SNX29: variants seen among roughly 807,000 people sequenced by gnomAD.
SNX29 encodes the protein sorting nexin-29.
A neutral mutation model predicts 102.1 loss-of-function variants in SNX29; 78 were observed. The ratio of observed to expected loss-of-function variants is 0.76; its 90% CI spans 0.64 to 0.92. The LOEUF is 0.92. Among genes scored for constraint, SNX29 ranks in the 40% least tolerant of loss-of-function variants. The probability of loss-of-function intolerance (pLI) is 0.00; values close to 1 mark genes in which losing one functional copy is unlikely to be tolerated. For synonymous variants in SNX29, 580 were observed against 414.5 expected (o/e 1.40, Z -4.85); for missense variants, 1,280 against 1,061.7 (o/e 1.21, Z -2.86).
chr16:12,072,074 C>T (rs1244000644), intron 10 of SNX29, among the ~76,000 whole-genome samples: 1 of 152,188 alleles, frequency 6.6e-6, no homozygotes, highest in Non-Finnish European at 1.5e-5. Context: ...TGGGCTGAGA[C>T]AATGGGGTTT....
intron 15 of SNX29, among the ~76,000 whole-genome samples, chr16:12,355,258 C>A (rs994600498): frequency 3.9e-5 from 6 of 152,184 alleles, no homozygotes; most frequent in African/African-American, 1.4e-4. Context: ...CCCTTTTATT[C>A]CTCCTCAGAT....
At chr16:12,215,483 A>G (rs1023481864) in intron 14 of SNX29, among the ~76,000 whole-genome samples, 1 of 152,068 alleles carries the variant, frequency 6.6e-6, no homozygotes, top group African/African-American at 2.4e-5. Context: ...TACAGAAGTG[A>G]GTAATACTCT....
In SNX29 at chr16:12,182,586, C is replaced by T. The variant is rs79510430; in HGVS notation, c.1596-17015C>T. On this transcript the variant is annotated intron_variant, in intron 13 of 20. Transcript: ENST00000566228. ...GGTGGCAGGAGCTCCGCACCCCTGC[C>T]AACCAGTTACCTCTAGCCTGAGTTT... Among the ~76,000 whole-genome samples the T allele has an allele frequency of 5.2e-3, 799 of 152,256 alleles. 6 individuals are homozygous for T. Among genetic ancestry groups the T allele is most frequent in the African/African-American group, 0.018 (755 of 41,520 alleles).
rs74328104 is a variant in SNX29 at position 12,361,500 on chromosome 16, C to G, written c.1899+5221C>G. ...TTGATATCAGTCAAAAATTTGGCTT[C>G]CCTCTTGTATATTAGTAATTCATTT... On this transcript the variant is annotated intron_variant, in intron 16 of 20. Coordinates refer to ENST00000566228, the MANE Select transcript of SNX29 (RefSeq NM_032167.5). Among the ~76,000 whole-genome samples, 57 of 152,204 alleles carry G rather than the reference C, an allele frequency of 3.7e-4. No homozygotes were observed. The East Asian group carries it at 9.1e-3, about 24-fold the overall frequency.
At chr16:12,230,196 T>G (rs371982810) in intron 14 of SNX29, among the ~76,000 whole-genome samples, 1 of 152,220 alleles carries the variant, frequency 6.6e-6, no homozygotes, top group Non-Finnish European at 1.5e-5. Flanking sequence ...TGTCAAAGTT[T>G]GCCTGCAAAC....
At chr16:12,160,331 G>T (rs534519382) in intron 13 of SNX29, among the ~76,000 whole-genome samples, 1 of 152,206 alleles carries the variant, frequency 6.6e-6, no homozygotes, top group African/African-American at 2.4e-5. Flanking sequence ...TTAGATTCAG[G>T]ATCTTTCAGC....
intron 15 of SNX29, among the ~76,000 whole-genome samples, chr16:12,281,256 A>G (rs1158561420): frequency 1.3e-5 from 2 of 152,088 alleles, no homozygotes; most frequent in Non-Finnish European, 2.9e-5. Context: ...CACCTTAAAC[A>G]TGGTGATTCA....
chr16:12,542,448 C>T (rs1295168298), intron 20 of SNX29, among the ~76,000 whole-genome samples: 5 of 152,220 alleles, frequency 3.3e-5, no homozygotes, highest in African/African-American at 7.2e-5. Flanking sequence ...TTTGTTTCCT[C>T]AGCTTCCCAA....
At chr16:12,566,437 G>A (rs2079012592) in intron 20 of SNX29, among the ~76,000 whole-genome samples, 1 of 151,162 alleles carries the variant, frequency 6.6e-6, no homozygotes, top group Non-Finnish European at 1.5e-5. Context: ...CTCCCCCCAA[G>A]CTCTGGTCAT....
intron 15 of SNX29, among the ~76,000 whole-genome samples, chr16:12,324,397 G>T (rs534173761): frequency 2.0e-5 from 3 of 152,084 alleles, no homozygotes; most frequent in Middle Eastern, 3.4e-3. Context: ...TTCTCGCCCT[G>T]TGGAAATGCT....
chr16:12,232,334 C>T (rs377333048), intron 14 of SNX29, among the ~76,000 whole-genome samples: 42 of 152,304 alleles, frequency 2.8e-4, no homozygotes, highest in East Asian at 1.4e-3. Flanking sequence ...CATGACCAGC[C>T]TGACCAACGT....
At chr16:12,175,192 G>T (rs1046509710) in intron 13 of SNX29, among the ~76,000 whole-genome samples, 2 of 152,200 alleles carry the variant, frequency 1.3e-5, no homozygotes, top group Non-Finnish European at 2.9e-5. Flanking sequence ...ATTTGTAGCA[G>T]GCAAATTTGG....
At chr16:12,550,788 TAAGG>T (rs140924005) in intron 20 of SNX29, among the ~76,000 whole-genome samples, 33,260 of 151,964 alleles carry the variant, frequency 0.22, 4,013 homozygotes, top group East Asian at 0.46. Flanking sequence ...ATAGCTGAGA[TAAGG>T]AAGAGGGAGC....
chr16:12,332,290 G>A (rs1026369454), intron 15 of SNX29, among the ~76,000 whole-genome samples: 8 of 152,164 alleles, frequency 5.3e-5, no homozygotes, highest in Non-Finnish European at 1.2e-4. Context: ...GCACAAGTGC[G>A]TGTCTTCAGC....
At chr16:12,466,449 G>T (rs1243668783) in intron 18 of SNX29, among the ~76,000 whole-genome samples, 4 of 152,202 alleles carry the variant, frequency 2.6e-5, no homozygotes, top group Non-Finnish European at 5.9e-5. Flanking sequence ...ATATACAGCA[G>T]CATAGTGATC....
chr16:12,155,467 G>A (rs190870012), intron 13 of SNX29, among the ~76,000 whole-genome samples: 89 of 152,248 alleles, frequency 5.8e-4, no homozygotes, highest in Non-Finnish European at 1.6e-4. Context: ...GAGGGGATTT[G>A]GCTTGGTTAA....
At chr16:12,382,283 G>A (rs1376522501) in intron 16 of SNX29, among the ~76,000 whole-genome samples, 1 of 152,182 alleles carries the variant, frequency 6.6e-6, no homozygotes, top group Non-Finnish European at 1.5e-5. Flanking sequence ...GAGGTCAGGT[G>A]CTTTTGTTAA....
At chr16:12,524,638 A>G (rs2090228175) in intron 19 of SNX29, 64 bp from the exon 20 acceptor site, 19 of 1,567,450 alleles carry the variant, frequency 1.2e-5, no homozygotes, top group East Asian at 4.6e-5. Context: ...CGCCTGTTCT[A>G]TAGGGTCATT....
At chr16:12,271,804 G>C (rs1487006986) in intron 14 of SNX29, among the ~76,000 whole-genome samples, 1 of 151,984 alleles carries the variant, frequency 6.6e-6, no homozygotes, top group Non-Finnish European at 1.5e-5. Context: ...TGTATTTTTA[G>C]TGGAGACCAG....
Sources: gnomAD v4.1 joint callset for allele counts (sites outside exome capture counted in the v4.1 genomes callset) on GRCh38, gnomAD v4.1.1 for gene constraint, MANE v1.5 for transcripts, NCBI Gene and HGNC (gene_info 2026-07-23, HGNC 2026-07-21) for gene names.